The following SLC35F4 variants were observed in gnomAD, a reference collection of about 807,000 sequenced individuals.
The protein encoded by SLC35F4 is solute carrier family 35 member F4, also known as chromosome 14 open reading frame 36.
A neutral mutation model predicts 44.2 loss-of-function variants in SLC35F4; 24 were observed. The observed-to-expected ratio is 0.54, with a 90% confidence interval of 0.39 to 0.76. SLC35F4 has a LOEUF of 0.76. Ranked by LOEUF, SLC35F4 falls within the 30% of genes least tolerant of loss-of-function variation. SLC35F4 has a pLI of 0.00. For missense variants in SLC35F4, 562 were observed against 586.1 expected, an observed-to-expected ratio of 0.96 and a Z score of 0.42; for synonymous variants, 238 against 223.6, an observed-to-expected ratio of 1.06 and a Z score of -0.57.
intron 1 of SLC35F4, among the ~76,000 whole-genome samples, chr14:57,635,883 A>G (rs1434660166): frequency 6.6e-6 from 1 of 152,176 alleles, no homozygotes; most frequent in Non-Finnish European, 1.5e-5. Flanking sequence ...TGGCACCTAA[A>G]AACCACTCAC....
At chr14:57,584,567 G>GAGAT (rs1444922229) in intron 3 of SLC35F4, among the ~76,000 whole-genome samples, 7 of 152,258 alleles carry the variant, frequency 4.6e-5, no homozygotes, top group Admixed American at 2.0e-4. Context: ...ATTCCCTTCA[G>GAGAT]AGATAGTATT....
intron 1 of SLC35F4, among the ~76,000 whole-genome samples, chr14:57,673,609 C>T (rs2074592006): frequency 6.6e-6 from 1 of 151,648 alleles, no homozygotes; most frequent in Admixed American, 6.6e-5. Context: ...CTAAGAGGAG[C>T]AGTTGAAAGG....
chr14:57,856,009 G>T (rs1813749879), intron 1 of SLC35F4, among the ~76,000 whole-genome samples: 1 of 151,962 alleles, frequency 6.6e-6, no homozygotes, highest in African/African-American at 2.4e-5. Context: ...TGGACACAAG[G>T]CAGGGAACAT....
chr14:57,736,667 A>G (rs1360958797), intron 1 of SLC35F4, among the ~76,000 whole-genome samples: 1 of 152,210 alleles, frequency 6.6e-6, no homozygotes, highest in Non-Finnish European at 1.5e-5. Flanking sequence ...TACTATTACC[A>G]CAAGTTATTA....
chr14:57,671,009 G>A (rs7154332), intron 1 of SLC35F4, among the ~76,000 whole-genome samples: 94,827 of 150,450 alleles, frequency 0.63, 30,259 homozygotes, highest in African/African-American at 0.71. Flanking sequence ...GGTTCAAGCG[G>A]TTATCCTGCC....
chr14:57,796,260 G>A (rs1394165752), intron 1 of SLC35F4, among the ~76,000 whole-genome samples: 1 of 152,096 alleles, frequency 6.6e-6, no homozygotes, highest in Non-Finnish European at 1.5e-5. Flanking sequence ...GAACATATGT[G>A]TGCATATGTC....
At chr14:57,637,559 G>A (rs531389157) in intron 1 of SLC35F4, among the ~76,000 whole-genome samples, 6 of 152,180 alleles carry the variant, frequency 3.9e-5, no homozygotes, top group South Asian at 2.1e-4. Flanking sequence ...GATCCTCTCC[G>A]AGGATGGTTT....
intron 1 of SLC35F4, among the ~76,000 whole-genome samples, chr14:57,741,206 A>C (rs2076597672): frequency 6.6e-6 from 1 of 152,248 alleles, no homozygotes; most frequent in Non-Finnish European, 1.5e-5. Context: ...GCTCCTCGCC[A>C]GCAACGGAAC....
At chr14:57,847,781 AG>A (rs1052878377) in intron 1 of SLC35F4, among the ~76,000 whole-genome samples, 2 of 152,196 alleles carry the variant, frequency 1.3e-5, no homozygotes, top group Non-Finnish European at 2.9e-5. Context: ...TCTCACTGAG[AG>A]AAAATAAAAA....
intron 1 of SLC35F4, among the ~76,000 whole-genome samples, chr14:57,911,494 A>T (rs1235512032): frequency 6.6e-6 from 1 of 151,954 alleles, no homozygotes; most frequent in Non-Finnish European, 1.5e-5. Context: ...TTTATCATGA[A>T]TGGGTGTTGG....
At chr14:57,841,542 A>T (rs1292836893) in intron 1 of SLC35F4, among the ~76,000 whole-genome samples, 1 of 152,180 alleles carries the variant, frequency 6.6e-6, no homozygotes, top group East Asian at 1.9e-4. Flanking sequence ...GAATAGGCAC[A>T]TGATTAGAAC....
chr14:57,903,892 T>C (rs1212153601), intron 1 of SLC35F4, among the ~76,000 whole-genome samples: 3 of 152,224 alleles, frequency 2.0e-5, no homozygotes, highest in Non-Finnish European at 4.4e-5. Flanking sequence ...AGCATATCTA[T>C]CTCAAAAAAT....
intron 1 of SLC35F4, among the ~76,000 whole-genome samples, chr14:57,625,347 A>C (rs2072419614): frequency 6.6e-6 from 1 of 152,202 alleles, no homozygotes; most frequent in Non-Finnish European, 1.5e-5. Flanking sequence ...GGATAGGAAG[A>C]ATCAATATCA....
chr14:57,652,354 C>A lies in SLC35F4; in HGVS notation c.104-58230G>T, dbSNP rs76857580. Among the ~76,000 whole-genome samples, 8 of 152,236 alleles carry A rather than the reference C, an allele frequency of 5.3e-5. No homozygotes were observed. In the South Asian group the frequency reaches 6.2e-4, roughly 12 times the overall value. On this transcript the variant is annotated intron_variant, in intron 1 of 7. Transcript: ENST00000556826. ...CCAGTTTCCCTAGCAATGTTTAAGCCGGGTACCTGCTCATGGTAACAAAAA... is the reference window on the plus strand; with the variant it reads ...CCAGTTTCCCTAGCAATGTTTAAGCAGGGTACCTGCTCATGGTAACAAAAA...
intron 1 of SLC35F4, among the ~76,000 whole-genome samples, chr14:57,686,002 G>C (rs1180966474): frequency 6.6e-6 from 1 of 152,144 alleles, no homozygotes; most frequent in African/African-American, 2.4e-5. Context: ...CAAAGTACAT[G>C]ATCTTCAACA....
At chr14:57,609,781 T>C (rs2071383639) in intron 1 of SLC35F4, among the ~76,000 whole-genome samples, 1 of 152,166 alleles carries the variant, frequency 6.6e-6, no homozygotes, top group Admixed American at 6.5e-5. Context: ...AAGGTAAAAA[T>C]GCTGCTGGCA....
chr14:57,806,519 A>G (rs1322459655), intron 1 of SLC35F4, among the ~76,000 whole-genome samples: 1 of 152,186 alleles, frequency 6.6e-6, no homozygotes, highest in East Asian at 1.9e-4. Flanking sequence ...AATAAATTGT[A>G]AATTTTGTAA....
chr14:57,739,042 T>C (rs1222426448), intron 1 of SLC35F4, among the ~76,000 whole-genome samples: 1 of 142,704 alleles, frequency 7.0e-6, no homozygotes, highest in African/African-American at 2.5e-5. Flanking sequence ...GGCCAGGCTT[T>C]GTGTGTGTGT....
chr14:57,931,096 G>A (rs1010403449), intron 1 of SLC35F4, among the ~76,000 whole-genome samples: 2 of 152,166 alleles, frequency 1.3e-5, no homozygotes, highest in African/African-American at 4.8e-5. Flanking sequence ...TCATTTTACA[G>A]AGGAAGACAA....
Sources: allele counts gnomAD v4.1 joint callset (sites outside exome capture counted in the v4.1 genomes callset), GRCh38; gene constraint gnomAD v4.1.1; transcripts MANE v1.5; gene names NCBI Gene and HGNC (gene_info 2026-07-23, HGNC 2026-07-21).